NEXMIF: variants seen among roughly 807,000 people sequenced by gnomAD.
NEXMIF encodes neurite extension and migration factor, also known as XLMR protein related to neurite extension.
Under a neutral mutation model 62.1 loss-of-function variants are expected in NEXMIF, and 8 were observed. That is an observed-to-expected ratio of 0.13 (90% confidence interval 0.08 to 0.23). The LOEUF (loss-of-function observed/expected upper bound fraction) is 0.23. NEXMIF is among the 10% of genes least tolerant of loss of function. NEXMIF has a pLI of 1.00. For missense variants in NEXMIF, 976 were observed against 1,113.3 expected, an observed-to-expected ratio of 0.88 and a Z score of 1.75; for synonymous variants, 404 against 416.6, an observed-to-expected ratio of 0.97 and a Z score of 0.37.
chrX:74,868,004 T>C (rs1602256662), intron 1 of NEXMIF, among the ~76,000 whole-genome samples: 2 of 111,837 alleles, frequency 1.8e-5, no homozygotes, highest in South Asian at 7.4e-4. Flanking sequence ...GACACTCACA[T>C]GGCCAAGAGA....
At chrX:74,848,035 G>A (rs1008517352) in intron 1 of NEXMIF, among the ~76,000 whole-genome samples, 1 of 110,899 alleles carries the variant, frequency 9.0e-6, no homozygotes, top group African/African-American at 3.3e-5. Flanking sequence ...TACAGCTTAT[G>A]TCTGGTCTAG....
intron 1 of NEXMIF, among the ~76,000 whole-genome samples, chrX:74,919,867 C>T (rs4892531): frequency 0.13 from 14,108 of 109,460 alleles, 1,643 homozygotes; most frequent in East Asian, 0.89. Context: ...TGAGTGAGAA[C>T]ACGCGGTGTT....
intron 1 of NEXMIF, among the ~76,000 whole-genome samples, chrX:74,862,625 A>G (rs1401096695): frequency 8.9e-6 from 1 of 111,977 alleles, no homozygotes; most frequent in Non-Finnish European, 1.9e-5. Flanking sequence ...GACTGATATC[A>G]TAACAAACAG....
chrX:74,739,879 GC>G, intron 3 of NEXMIF: 1 of 407,180 alleles, frequency 2.5e-6, no homozygotes, highest in Non-Finnish European at 4.2e-6. Context: ...CTTATCCCTA[GC>G]CAAGCCACAA....
intron 1 of NEXMIF, among the ~76,000 whole-genome samples, chrX:74,851,216 T>C (rs2080512246): frequency 9.0e-6 from 1 of 110,912 alleles, no homozygotes; most frequent in Non-Finnish European, 1.9e-5. Flanking sequence ...AAAACCTACA[T>C]GACATAAAGG....
intron 1 of NEXMIF, among the ~76,000 whole-genome samples, chrX:74,776,234 C>G (rs2080228029): frequency 8.9e-6 from 1 of 111,753 alleles, no homozygotes; most frequent in African/African-American, 3.3e-5. Flanking sequence ...GCGGCACAGA[C>G]AGTGTTTGCA....
intron 1 of NEXMIF, among the ~76,000 whole-genome samples, chrX:74,801,782 G>A (rs866831626): frequency 8.9e-5 from 10 of 112,433 alleles, no homozygotes; most frequent in Middle Eastern, 4.2e-3. Context: ...ACAGGCTCTG[G>A]CTCTTGGATG....
intron 1 of NEXMIF, among the ~76,000 whole-genome samples, chrX:74,908,583 A>C (rs2147372623): frequency 8.9e-6 from 1 of 112,691 alleles, no homozygotes; most frequent in Non-Finnish European, 1.9e-5. Flanking sequence ...CATCCCCACT[A>C]TTTCGACAAT....
At chrX:74,774,918 A>G (rs1190936715) in intron 1 of NEXMIF, among the ~76,000 whole-genome samples, 1 of 111,917 alleles carries the variant, frequency 8.9e-6, no homozygotes, top group East Asian at 2.8e-4. Flanking sequence ...AGTGCCAGTG[A>G]CAGCTTAATT....
At chrX:74,851,289 G>T (rs773915278) in intron 1 of NEXMIF, among the ~76,000 whole-genome samples, 1 of 111,284 alleles carries the variant, frequency 9.0e-6, no homozygotes, top group Non-Finnish European at 1.9e-5. Context: ...AAGAACAAAG[G>T]GGGTAGAAAA....
At position 74,903,325 on chromosome X, in the gene NEXMIF, TACACACACACACACAC is replaced by T. The variant is rs397897060; in HGVS notation, c.-48+21542_-48+21557del. Among the ~76,000 whole-genome samples, 165 of 51,244 alleles carry T rather than the reference TACACACACACACACAC, an allele frequency of 3.2e-3. 1 individual carries two copies. Among genetic ancestry groups the T allele is most frequent in the African/African-American group, 5.7e-3 (75 of 13,163 alleles). 44.5% of individuals were successfully genotyped at this position (51,244 alleles called of 115,157 possible). A position where few individuals can be genotyped will look rare whatever the true frequency, so the allele number is the denominator to read the frequency against. Reference sequence around the variant, plus strand: ...TGGAGTCCTCACTGATTCTCAGGCATACACACACACACACACACACACACACACACACACACACACA... The same window carrying T: ...TGGAGTCCTCACTGATTCTCAGGCATACACACACACACACACACACACACA... On this transcript the variant is annotated intron_variant, in intron 1 of 3. Coordinates refer to ENST00000055682, the MANE Select transcript of NEXMIF (RefSeq NM_001008537.3).
At chrX:74,820,851 T>C in intron 1 of NEXMIF, among the ~76,000 whole-genome samples, 1 of 110,845 alleles carries the variant, frequency 9.0e-6, no homozygotes, top group Non-Finnish European at 1.9e-5. Context: ...CAATGGACAC[T>C]GGGGCCTACC....
chrX:74,759,664 T>C (rs748479950), intron 1 of NEXMIF, among the ~76,000 whole-genome samples: 13 of 112,055 alleles, frequency 1.2e-4, no homozygotes, highest in Non-Finnish European at 2.3e-4. Flanking sequence ...CCATTGCTTG[T>C]TTTTGTCCAC....
intron 1 of NEXMIF, among the ~76,000 whole-genome samples, chrX:74,887,590 C>G (rs1444930251): frequency 9.0e-6 from 1 of 111,432 alleles, no homozygotes; most frequent in Admixed American, 9.5e-5. Flanking sequence ...ATCAAAACCA[C>G]AATGAGATAC....
Position 74,779,986 on chromosome X carries a change from A to T in NEXMIF, c.-47-34289T>A, listed in dbSNP as rs5981301. On this transcript the variant is annotated intron_variant, in intron 1 of 3. Coordinates refer to ENST00000055682, the MANE Select transcript of NEXMIF (RefSeq NM_001008537.3). ...GTTTATACTTGGAAATGGCTGGGGG[A>T]ATGTAGGTTCAATTATCATTTAAGT... Among the ~76,000 whole-genome samples, 5 of 110,392 alleles carry T rather than the reference A, an allele frequency of 4.5e-5. No individual in the cohort carries two copies. In the Admixed American group the frequency reaches 4.8e-4, roughly 11 times the overall value.
At chrX:74,792,822 T>G (rs373307692) in intron 1 of NEXMIF, among the ~76,000 whole-genome samples, 3 of 87,353 alleles carry the variant, frequency 3.4e-5, no homozygotes, top group Non-Finnish European at 6.7e-5. Context: ...GTTTTCCATT[T>G]GCTTGGTAGA....
intron 1 of NEXMIF, among the ~76,000 whole-genome samples, chrX:74,904,556 G>T (rs59432492): frequency 0.02 from 2,228 of 111,623 alleles, 57 homozygotes; most frequent in African/African-American, 0.069. Flanking sequence ...AACAAAAGTT[G>T]TACAAGAAAA....
At chrX:74,902,995 C>A (rs1254108767) in intron 1 of NEXMIF, among the ~76,000 whole-genome samples, 7 of 111,129 alleles carry the variant, frequency 6.3e-5, no homozygotes, top group Non-Finnish European at 1.9e-5. Context: ...TTAAGGGCAG[C>A]TTTAGCTCAG....
At chrX:74,837,736 C>T (rs1304157761) in intron 1 of NEXMIF, among the ~76,000 whole-genome samples, 1 of 111,665 alleles carries the variant, frequency 9.0e-6, no homozygotes, top group East Asian at 2.8e-4. Context: ...ACAAGAACAG[C>T]AATACAGGTC....
Sources: allele counts gnomAD v4.1 joint callset (sites outside exome capture counted in the v4.1 genomes callset), GRCh38; gene constraint gnomAD v4.1.1; transcripts MANE v1.5; gene names NCBI Gene and HGNC (gene_info 2026-07-23, HGNC 2026-07-21).